NR6A1: variants seen among roughly 807,000 people sequenced by gnomAD.
NR6A1 encodes the protein retinoic acid receptor-related testis-associated receptor.
A neutral mutation model predicts 59.1 loss-of-function variants in NR6A1; 7 were observed. The observed-to-expected ratio is 0.12, with a 90% CI of 0.07 to 0.22. The LOEUF is 0.22. NR6A1 is among the 10% of genes least tolerant of loss of function. The probability of loss-of-function intolerance (pLI) is 1.00; values close to 1 mark genes in which losing one functional copy is unlikely to be tolerated. For synonymous variants in NR6A1, 243 were observed against 236.1 expected, an observed-to-expected ratio of 1.03 and a Z score of -0.27; for missense variants, 468 against 611.6, an observed-to-expected ratio of 0.77 and a Z score of 2.48.
chr9:124,557,059 G>A (rs1343165480), intron 2 of NR6A1, among the ~76,000 whole-genome samples: 3 of 152,104 alleles, frequency 2.0e-5, no homozygotes, highest in Non-Finnish European at 2.9e-5. Flanking sequence ...CTTTTCTAAG[G>A]CTTGGATACA....
At chr9:124,746,959 A>G (rs916742132) in intron 1 of NR6A1, among the ~76,000 whole-genome samples, 1 of 152,238 alleles carries the variant, frequency 6.6e-6, no homozygotes, top group Non-Finnish European at 1.5e-5. Flanking sequence ...GGAGACATTA[A>G]CAGCAGTGGT....
chr9:124,552,137 C>G (rs891024471), intron 3 of NR6A1, among the ~76,000 whole-genome samples: 5 of 152,260 alleles, frequency 3.3e-5, no homozygotes, highest in Admixed American at 2.6e-4. Flanking sequence ...GCTGAACAAG[C>G]AGGATGATTC....
intron 2 of NR6A1, among the ~76,000 whole-genome samples, chr9:124,576,665 T>C (rs543317772): frequency 1.3e-5 from 2 of 152,376 alleles, no homozygotes; most frequent in South Asian, 4.1e-4. Context: ...GGTTTCCTAA[T>C]CTATAAACCT....
At chr9:124,644,344 T>C (rs2130908262) in intron 2 of NR6A1, among the ~76,000 whole-genome samples, 1 of 142,768 alleles carries the variant, frequency 7.0e-6, no homozygotes, top group Non-Finnish European at 1.5e-5. Flanking sequence ...CTACGTCTCC[T>C]GGGTTCAAGC....
intron 2 of NR6A1, among the ~76,000 whole-genome samples, chr9:124,569,821 ATAC>A (rs774166691): frequency 5.8e-4 from 89 of 152,244 alleles, no homozygotes; most frequent in Non-Finnish European, 1.5e-4. Flanking sequence ...TCCACCGCAC[ATAC>A]TACTATAAAA....
chr9:124,547,483 T>A (rs1202592753), intron 3 of NR6A1, among the ~76,000 whole-genome samples: 1 of 152,216 alleles, frequency 6.6e-6, no homozygotes, highest in Admixed American at 6.5e-5. Flanking sequence ...CTGTTTTACA[T>A]AGTTCTGTCT....
At chr9:124,621,875 A>T (rs1836087023) in intron 2 of NR6A1, among the ~76,000 whole-genome samples, 1 of 152,178 alleles carries the variant, frequency 6.6e-6, no homozygotes, top group Non-Finnish European at 1.5e-5. Flanking sequence ...TTTGGCAATC[A>T]TTGTGCTAAA....
intron 2 of NR6A1, among the ~76,000 whole-genome samples, chr9:124,729,782 C>A (rs1044660140): frequency 6.6e-6 from 1 of 151,474 alleles, no homozygotes; most frequent in Non-Finnish European, 1.5e-5. Flanking sequence ...AAAACTGGTA[C>A]AAACTGAAAT....
chr9:124,628,574 C>A (rs948441018), intron 2 of NR6A1, among the ~76,000 whole-genome samples: 7 of 151,770 alleles, frequency 4.6e-5, no homozygotes, highest in African/African-American at 1.7e-4. Context: ...AATCTCCTGA[C>A]CTTGTGATCC....
intron 3 of NR6A1, among the ~76,000 whole-genome samples, chr9:124,551,056 G>A (rs1241597044): frequency 6.6e-6 from 1 of 151,894 alleles, no homozygotes; most frequent in Non-Finnish European, 1.5e-5. Context: ...TCTTTTTTTA[G>A]AAAGCACTTC....
chr9:124,520,380 T>G lies in NR6A1; in HGVS notation c.*2325A>C, dbSNP rs1056071174. On this transcript the variant is annotated 3_prime_UTR_variant, in exon 10 of 10. Coordinates refer to ENST00000487099, the MANE Select transcript of NR6A1 (RefSeq NM_033334.4). ...GGCAATGAATGGGCTCTTTGTTCTGTGGAATCTGCTGCAAACATTTGTAAA... is the reference window on the plus strand; with the variant it reads ...GGCAATGAATGGGCTCTTTGTTCTGGGGAATCTGCTGCAAACATTTGTAAA... 1 of 152,206 alleles carries G rather than the reference T, an allele frequency of 6.6e-6. No homozygotes were observed. Among genetic ancestry groups the G allele is most frequent in the Non-Finnish European group, 1.5e-5 (1 of 68,034 alleles). 9.4% of individuals were successfully genotyped at this position (152,206 alleles called of 1,614,324 possible). A position where few individuals can be genotyped will look rare whatever the true frequency, so the allele number is the denominator to read the frequency against.
In NR6A1 at chr9:124,695,073, C is replaced by T. The variant is rs1406080607; in HGVS notation, c.142+38235G>A. Among the ~76,000 whole-genome samples, 4 of 152,172 alleles carry T rather than the reference C, an allele frequency of 2.6e-5. No homozygotes were observed. In the East Asian group the frequency reaches 7.7e-4, roughly 29 times the overall value. ...TAAATAAAGTTCACTAGCTTAACAT[C>T]GGCTTCCTGCCCCCATCCCACCACC... On this transcript the variant is annotated intron_variant, in intron 2 of 9. Transcript: ENST00000487099.
chr9:124,648,622 A>C (rs1479180988), intron 2 of NR6A1, among the ~76,000 whole-genome samples: 1 of 152,110 alleles, frequency 6.6e-6, no homozygotes, highest in Non-Finnish European at 1.5e-5. Context: ...GAAAGAAATA[A>C]AGGGCAGCCA....
At chr9:124,656,207 A>C (rs1837255228) in intron 2 of NR6A1, among the ~76,000 whole-genome samples, 1 of 151,798 alleles carries the variant, frequency 6.6e-6, no homozygotes, top group Non-Finnish European at 1.5e-5. Context: ...GCTCCCTTTC[A>C]CCTTGTGCCA....
intron 2 of NR6A1, among the ~76,000 whole-genome samples, chr9:124,689,158 T>A (rs1485751259): frequency 6.6e-6 from 1 of 152,204 alleles, no homozygotes; most frequent in Non-Finnish European, 1.5e-5. Flanking sequence ...AAACAAGCAA[T>A]TTTATTTATT....
chr9:124,627,269 C>T (rs1298763437), intron 2 of NR6A1, among the ~76,000 whole-genome samples: 1 of 152,180 alleles, frequency 6.6e-6, no homozygotes, highest in Non-Finnish European at 1.5e-5. Flanking sequence ...GATTCCAGTG[C>T]CTTGCCTCTA....
intron 2 of NR6A1, among the ~76,000 whole-genome samples, chr9:124,731,475 G>A (rs542099682): frequency 6.6e-6 from 1 of 152,000 alleles, no homozygotes; most frequent in Non-Finnish European, 1.5e-5. Flanking sequence ...AACACAGCTG[G>A]ACCTCGAATA....
intron 1 of NR6A1, among the ~76,000 whole-genome samples, chr9:124,757,792 A>C (rs778215120): frequency 7.9e-5 from 12 of 152,186 alleles, no homozygotes; most frequent in Non-Finnish European, 1.6e-4. Flanking sequence ...ACAACGCTTT[A>C]ACCCTGCTTT....
At chr9:124,729,811 ATT>A (rs536599510) in intron 2 of NR6A1, among the ~76,000 whole-genome samples, 17 of 139,998 alleles carry the variant, frequency 1.2e-4, no homozygotes, top group Non-Finnish European at 1.4e-4. Context: ...ATTTTGTCTA[ATT>A]TTTTTTTTTT....
Sources: allele counts gnomAD v4.1 joint callset (sites outside exome capture counted in the v4.1 genomes callset), GRCh38; gene constraint gnomAD v4.1.1; transcripts MANE v1.5; gene names NCBI Gene and HGNC (gene_info 2026-07-23, HGNC 2026-07-21).